The following RNF180 variants were observed in gnomAD, a reference collection of about 807,000 sequenced individuals.
RNF180 encodes the protein ring finger protein 180.
RNF180 carries 38 observed loss-of-function variants against 59.2 expected under a neutral mutation model. The observed-to-expected ratio is 0.64, with a 90% CI of 0.50 to 0.84. The LOEUF (loss-of-function observed/expected upper bound fraction) is 0.84. Ranked by LOEUF, RNF180 falls within the 40% of genes least tolerant of loss-of-function variation. The pLI is 0.00. For synonymous variants in RNF180, 262 were observed against 240.3 expected (o/e 1.09, Z -0.84); for missense variants, 705 against 700.9 (o/e 1.01, Z -0.07).
intron 7 of RNF180, among the ~76,000 whole-genome samples, chr5:64,341,163 T>C (rs138276450): frequency 4.1e-4 from 63 of 152,310 alleles, no homozygotes; most frequent in Admixed American, 3.9e-4. Context: ...ACAAGACTTC[T>C]GAAATTAGCT....
At chr5:64,305,164 T>C (rs1377818279) in intron 5 of RNF180, among the ~76,000 whole-genome samples, 1 of 151,700 alleles carries the variant, frequency 6.6e-6, no homozygotes, top group African/African-American at 2.4e-5. Context: ...TGTGTGTGTC[T>C]TGCTTTATTG....
In RNF180 at chr5:64,178,770, G is replaced by A. The variant is rs555683024; in HGVS notation, c.-1+12817G>A. Among the ~76,000 whole-genome samples the A allele has an allele frequency of 9.2e-5, 14 of 152,154 alleles. No individual in the cohort carries two copies. In the Middle Eastern group the frequency reaches 0.014, roughly 148 times the overall value. On this transcript the variant is annotated intron_variant, in intron 1 of 7. Coordinates refer to ENST00000389100, the MANE Select transcript of RNF180 (RefSeq NM_001113561.2). ...CATGGAACTGTCCACATAGCCATTA[G>A]GAAAACTGTACCTTCACCATTCCAA...
intron 5 of RNF180, among the ~76,000 whole-genome samples, chr5:64,299,113 T>C (rs1387250319): frequency 6.6e-6 from 1 of 151,930 alleles, no homozygotes; most frequent in Non-Finnish European, 1.5e-5. Flanking sequence ...CTTTGCGCCA[T>C]GCGAGGACAC....
intron 5 of RNF180, among the ~76,000 whole-genome samples, chr5:64,222,033 A>G (rs1426274695): frequency 2.0e-5 from 3 of 152,138 alleles, no homozygotes; most frequent in Non-Finnish European, 2.9e-5. Flanking sequence ...CCACATTACA[A>G]TTAGTTGTCA....
At chr5:64,271,069 G>T (rs542752183) in intron 5 of RNF180, among the ~76,000 whole-genome samples, 75 of 152,096 alleles carry the variant, frequency 4.9e-4, no homozygotes, top group African/African-American at 1.8e-3. Flanking sequence ...CATTTGCTTG[G>T]TAATATTTCA....
chr5:64,366,744 A>C (rs1199337945), intron 7 of RNF180, among the ~76,000 whole-genome samples: 1 of 151,678 alleles, frequency 6.6e-6, no homozygotes, highest in Non-Finnish European at 1.5e-5. Context: ...GGACACCATA[A>C]AGTGATCAAA....
At chr5:64,354,283 C>A (rs6449720) in intron 7 of RNF180, among the ~76,000 whole-genome samples, 91,985 of 151,424 alleles carry the variant, frequency 0.61, 28,764 homozygotes, top group East Asian at 0.78. Flanking sequence ...ATTACTACCA[C>A]TTTTACAGAA....
In RNF180 at chr5:64,303,673, T is replaced by C. The variant is rs536995376; in HGVS notation, c.1228-21513T>C. 5.3e-5 allele frequency among the ~76,000 whole-genome samples: 8 copies of C among 151,748 alleles called. No homozygotes were observed. The South Asian group carries it at 8.3e-4, about 16-fold the overall frequency. ...AAGCTTCAGAAGAAAAGTGTGAAGC[T>C]AGCAGAGATGGGTTCATGAGGTTTA... On this transcript the variant is annotated intron_variant, in intron 5 of 7. Coordinates refer to ENST00000389100, the MANE Select transcript of RNF180 (RefSeq NM_001113561.2).
chr5:64,174,699 A>G (rs1300074092), intron 1 of RNF180, among the ~76,000 whole-genome samples: 1 of 152,044 alleles, frequency 6.6e-6, no homozygotes, highest in Non-Finnish European at 1.5e-5. Context: ...TATCTTCTGG[A>G]TATTAACTCA....
In RNF180 at chr5:64,214,566, G is replaced by C. The variant is rs746439512; in HGVS notation, c.1191+49G>C. On this transcript the variant is annotated intron_variant, in intron 4 of 7. Coordinates refer to ENST00000389100, the MANE Select transcript of RNF180 (RefSeq NM_001113561.2). Reference sequence around the variant, plus strand: ...CTAAAAATCTGTATTATAAATACTGGAGTTTGGGGAGTGGAGCTAACTTTC... The same window carrying C: ...CTAAAAATCTGTATTATAAATACTGCAGTTTGGGGAGTGGAGCTAACTTTC... 2.0e-6 allele frequency: 3 copies of C among 1,498,614 alleles called. No homozygotes were observed. In the East Asian group the frequency reaches 6.8e-5, roughly 34 times the overall value. The allele number at this position is 1,498,614 out of a possible 1,614,324, so 92.8% of individuals were successfully genotyped here. A position where few individuals can be genotyped will look rare whatever the true frequency, so the allele number is the denominator to read the frequency against.
intron 1 of RNF180, among the ~76,000 whole-genome samples, chr5:64,170,314 G>A (rs1749874389): frequency 6.6e-6 from 1 of 152,160 alleles, no homozygotes; most frequent in Non-Finnish European, 1.5e-5. Flanking sequence ...ACACTCATTT[G>A]GACTTGGTTC....
chr5:64,167,027 C>T (rs1387168958), intron 1 of RNF180, among the ~76,000 whole-genome samples: 2 of 152,204 alleles, frequency 1.3e-5, no homozygotes, highest in African/African-American at 2.4e-5. Flanking sequence ...ACTTCAGTTT[C>T]AAATGAGTGG....
chr5:64,328,526 G>A (rs539661724), intron 6 of RNF180, among the ~76,000 whole-genome samples: 1 of 152,298 alleles, frequency 6.6e-6, no homozygotes, highest in African/African-American at 2.4e-5. Flanking sequence ...TAAATGCACT[G>A]TAGTCATATC....
At chr5:64,258,101 T>C (rs558665824) in intron 5 of RNF180, among the ~76,000 whole-genome samples, 1 of 152,210 alleles carries the variant, frequency 6.6e-6, no homozygotes, top group African/African-American at 2.4e-5. Context: ...TGTGGGACAG[T>C]CAGGAGTTGA....
At chr5:64,310,207 A>G (rs969906423) in intron 5 of RNF180, among the ~76,000 whole-genome samples, 2 of 151,820 alleles carry the variant, frequency 1.3e-5, no homozygotes. Flanking sequence ...ATATGCCACA[A>G]CCACATAGGA....
At chr5:64,290,109 C>T (rs1166436392) in intron 5 of RNF180, among the ~76,000 whole-genome samples, 2 of 152,116 alleles carry the variant, frequency 1.3e-5, no homozygotes, top group Non-Finnish European at 2.9e-5. Context: ...TTTCAAAGAA[C>T]TTTTTGATTT....
At chr5:64,320,549 A>T (rs1435090559) in intron 5 of RNF180, among the ~76,000 whole-genome samples, 1 of 151,688 alleles carries the variant, frequency 6.6e-6, no homozygotes, top group African/African-American at 2.4e-5. Context: ...CTCTATTCAG[A>T]GTAGTGATCT....
chr5:64,319,997 T>A (rs1355183572), intron 5 of RNF180, among the ~76,000 whole-genome samples: 1 of 152,190 alleles, frequency 6.6e-6, no homozygotes, highest in South Asian at 2.1e-4. Context: ...GAATCAGTTT[T>A]CAAAGTGTGA....
chr5:64,337,009 T>TGTTTTTGTTTTTG (rs200109942), intron 7 of RNF180, among the ~76,000 whole-genome samples: 1 of 151,522 alleles, frequency 6.6e-6, no homozygotes, highest in Admixed American at 6.6e-5. Flanking sequence ...TTGTTGTTTT[T>TGTTTTTGTTTTTG]TTTTTGTTTT....
Sources: allele counts gnomAD v4.1 joint callset (sites outside exome capture counted in the v4.1 genomes callset), GRCh38; gene constraint gnomAD v4.1.1; transcripts MANE v1.5; gene names NCBI Gene and HGNC (gene_info 2026-07-23, HGNC 2026-07-21).